Variants in ZFP37 observed in about 807,000 individuals in gnomAD.
ZFP37 encodes the protein ZFP37 zinc finger protein.
A neutral mutation model predicts 52.1 loss-of-function variants in ZFP37; 38 were observed. The ratio of observed to expected loss-of-function variants is 0.73; its 90% confidence interval spans 0.56 to 0.96. The LOEUF (loss-of-function observed/expected upper bound fraction) is 0.96, where lower values mean the gene tolerates loss of function less well. Ranked by LOEUF, ZFP37 falls within the 40% of genes least tolerant of loss-of-function variation. The pLI, the probability that ZFP37 is intolerant of heterozygous loss-of-function variation, is 0.00. For synonymous variants in ZFP37, 253 were observed against 259.5 expected, an observed-to-expected ratio of 0.98 and a Z score of 0.24; for missense variants, 695 against 741.4, an observed-to-expected ratio of 0.94 and a Z score of 0.73.
intron 1 of ZFP37, among the ~76,000 whole-genome samples, chr9:113,056,184 C>T (rs1829139809): frequency 6.6e-6 from 1 of 152,090 alleles, no homozygotes; most frequent in Non-Finnish European, 1.5e-5. Flanking sequence ...CTTTGATAAC[C>T]CAGGCTCTAA....
In ZFP37 at chr9:113,043,100, G is replaced by A; in HGVS notation, c.1518C>T (p.Tyr506=). Residue 506 remains tyrosine (Y), a synonymous_variant, in exon 4 of 4, where the codon TAC becomes TAT. Transcript: ENST00000374227. ...KAFGHSSSLT[Y]HMRTHTGESP... is the part of the protein sequence containing the mutation. ...TTTCACCTGTATGAGTTCTCATATG[G>A]TAAGTAAGAGATGAGCTATGTCCAA... 1 of 1,613,368 alleles carries A rather than the reference G, an allele frequency of 6.2e-7. No individual in the cohort carries two copies.
At chr9:113,045,645 T>C (rs1372692888) in intron 3 of ZFP37, among the ~76,000 whole-genome samples, 2 of 152,230 alleles carry the variant, frequency 1.3e-5, no homozygotes, top group African/African-American at 2.4e-5. Context: ...TGGGCCACTA[T>C]GTTTGTATTA....
chr9:113,038,689 G>A lies in ZFP37; in HGVS notation c.*4036C>T, dbSNP rs1828801721. ...TCCCAGCTACTAGGAAGGCTAAGGT[G>A]GGAGGAGTGCTTAAGCCTGGGAGGT... On this transcript the variant is annotated 3_prime_UTR_variant, in exon 4 of 4. Transcript: ENST00000374227. 1 of 152,074 alleles carries A rather than the reference G, an allele frequency of 6.6e-6. No homozygotes were observed. The highest frequency in any genetic ancestry group is 2.4e-5 in the African/African-American group (1 of 41,386). 9.4% of individuals were successfully genotyped at this position (152,074 alleles called of 1,614,324 possible). A position where few individuals can be genotyped will look rare whatever the true frequency, so the allele number is the denominator to read the frequency against.
At position 113,049,366 on chromosome 9, in the gene ZFP37, AT is replaced by A; in HGVS notation, c.344del (p.Asp115ValfsTer70). The A allele has an allele frequency of 6.2e-7, 1 of 1,612,516 alleles. No individual in the cohort carries two copies. The highest frequency in any genetic ancestry group is 8.5e-7 in the Non-Finnish European group (1 of 1,179,564). ...AATTTCAAAGTTACAACTTACTTCC[AT>A]CAGTTTCTTTTTGCTTGGGTCTTGC... ...KIARPKQKET[D>X]GKVQKDDDQL... On this transcript the variant is annotated frameshift_variant, in exon 3 of 4. Transcript: ENST00000374227. LOFTEE classifies it high-confidence loss of function.
chr9:113,055,534 CAAATA>C lies in ZFP37; in HGVS notation c.132+1018_132+1022del, dbSNP rs780841875. On this transcript the variant is annotated intron_variant, in intron 1 of 3. Coordinates refer to ENST00000374227, the MANE Select transcript of ZFP37 (RefSeq NM_003408.3). ...GGGACTGCAAAACAACAACACCAAA[CAAATA>C]AAATAAAAAATACCCCCTGGCATAA... Among the ~76,000 whole-genome samples, 21 of 152,278 alleles carry C rather than the reference CAAATA, an allele frequency of 1.4e-4. No homozygotes were observed. In the South Asian group the frequency reaches 3.5e-3, roughly 26 times the overall value.
At position 113,046,993 on chromosome 9, in the gene ZFP37, C is replaced by A. The variant is rs141894097; in HGVS notation, c.349+2369G>T. Among the ~76,000 whole-genome samples, 940 of 152,048 alleles carry A rather than the reference C, an allele frequency of 6.2e-3. 8 individuals carry two copies. Among genetic ancestry groups the A allele is most frequent in the African/African-American group, 0.021 (875 of 41,456 alleles). On this transcript the variant is annotated intron_variant, in intron 3 of 3. Transcript: ENST00000374227. ...GCGTGGTGGTGGGCACCTGTAGTCC[C>A]AGCTACTTGGGAGGCTGAGGCAGAA...
chr9:113,056,579 G>A lies in ZFP37; in HGVS notation c.110C>T (p.Ser37Phe), dbSNP rs1829149409. Residue 37 changes from serine (S) to phenylalanine (F), a missense_variant, in exon 1 of 4, where the codon TCC (serine) becomes TTC (phenylalanine). Coordinates refer to ENST00000374227, the MANE Select transcript of ZFP37 (RefSeq NM_003408.3). ...CACCGCGGCGCTGGCCTCGGGCTCG[G>A]ACACAGCCATCTCCAGTGGTCGCCC... is the stretch of plus-strand genomic sequence containing the variant. ...EAGRPLEMAV[S>F]EPEASAAEWK... is the part of the protein sequence containing the mutation. The A allele has an allele frequency of 1.2e-6, 2 of 1,613,828 alleles. No individual in the cohort carries two copies. The highest frequency in any genetic ancestry group is 1.7e-6 in the Non-Finnish European group (2 of 1,180,006).
rs1216847660 is a variant in ZFP37, at chr9:113,049,511, T to C, written c.215-15A>G. The C allele has an allele frequency of 1.9e-6, 3 of 1,607,624 alleles. No individual in the cohort carries two copies. The highest frequency in any genetic ancestry group is 1.1e-5 in the South Asian group (1 of 90,320). The stretch of plus-strand genomic sequence containing the variant: ...AGCTTGACACCCTGCTCATGAGAAA[T>C]AGCAGAAACTGAGTGTTAGAACAAC... On this transcript the variant is annotated splice_polypyrimidine_tract_variant and intron_variant, in intron 2 of 3. Coordinates refer to ENST00000374227, the MANE Select transcript of ZFP37 (RefSeq NM_003408.3).
At chr9:113,051,960 C>T (rs1374124462) in intron 1 of ZFP37, among the ~76,000 whole-genome samples, 1 of 152,124 alleles carries the variant, frequency 6.6e-6, no homozygotes, top group African/African-American at 2.4e-5. Context: ...GCAGATCTCC[C>T]CAGCCACTTG....
Position 113,043,072 on chromosome 9 carries a change from G to A in ZFP37, c.1546C>T (p.Pro516Ser). The change falls in exon 4 of 4, where the codon CCC (proline) becomes TCC (serine). Residue 516 changes from proline to serine, a missense_variant. Pro to Ser is a moderately conservative substitution (Grantham distance 74, BLOSUM62 -1). This residue lies in a region of ZFP37 where 326 missense variants were observed against 400.5 expected (regional missense o/e 0.81). Coordinates refer to ENST00000374227, the MANE Select transcript of ZFP37 (RefSeq NM_003408.3). The part of the protein sequence containing the change: ...YHMRTHTGES[P>S]FECNQCGKGF... Reference sequence around the variant, plus strand: ...TTCCCACATTGATTACATTCAAAGGGACTTTCACCTGTATGAGTTCTCATA... The same window carrying A: ...TTCCCACATTGATTACATTCAAAGGAACTTTCACCTGTATGAGTTCTCATA... 2.5e-6 allele frequency: 4 copies of A among 1,613,538 alleles called. No homozygotes were observed. The highest frequency in any genetic ancestry group is 2.2e-5 in the East Asian group (1 of 44,858).
rs1828902214 is a variant in ZFP37, at chr9:113,043,840, T to TATGGG, written c.773_777dup (p.Ile260ProfsTer33). ...CCAGTTTGAATTTTGTCCTGTTTAA[T>TATGGG]ATGGGATGAACTATGACAGCATAAT... On this transcript the variant is annotated frameshift_variant, in exon 4 of 4. Coordinates refer to ENST00000374227, the MANE Select transcript of ZFP37 (RefSeq NM_003408.3). LOFTEE classifies it high-confidence loss of function. 2 of 1,613,984 alleles carry TATGGG rather than the reference T, an allele frequency of 1.2e-6. No homozygotes were observed. Among genetic ancestry groups the TATGGG allele is most frequent in the Non-Finnish European group, 1.7e-6 (2 of 1,179,972 alleles).
chr9:113,047,183 C>G (rs1218894122), intron 3 of ZFP37, among the ~76,000 whole-genome samples: 1 of 151,354 alleles, frequency 6.6e-6, no homozygotes, highest in Non-Finnish European at 1.5e-5. Flanking sequence ...TTAAGTGACT[C>G]AGGATTGTTT....
rs558511394 is a variant in ZFP37, at chr9:113,042,533, A to G, written c.*192T>C. On this transcript the variant is annotated 3_prime_UTR_variant, in exon 4 of 4. Coordinates refer to ENST00000374227, the MANE Select transcript of ZFP37 (RefSeq NM_003408.3). ...TTGAGTAGTTAAAACAATATTTTTT[A>G]TAAAAGGTTTTGTATCAAGTTTAAA... 4.5e-6 allele frequency: 2 copies of G among 445,176 alleles called. No homozygotes were observed. Among genetic ancestry groups the G allele is most frequent in the Non-Finnish European group, 7.8e-6 (2 of 256,498 alleles). 27.6% of individuals were successfully genotyped at this position (445,176 alleles called of 1,614,324 possible). A position where few individuals can be genotyped will look rare whatever the true frequency, so the allele number is the denominator to read the frequency against.
rs1000062362 is a variant in ZFP37 at position 113,038,415 on chromosome 9, C to T, written c.*4310G>A. ...TGTTTTTTATTTAGTATTTTAGATG[C>T]TACAGGTTGGTTTGTACAACATCCA... On this transcript the variant is annotated 3_prime_UTR_variant, in exon 4 of 4. Transcript: ENST00000374227. The T allele has an allele frequency of 6.6e-6, 1 of 151,870 alleles. No individual in the cohort carries two copies. The highest frequency in any genetic ancestry group is 2.4e-5 in the African/African-American group (1 of 41,350). 9.4% of individuals were successfully genotyped at this position (151,870 alleles called of 1,614,324 possible). A position where few individuals can be genotyped will look rare whatever the true frequency, so the allele number is the denominator to read the frequency against.
rs1011756249 is a variant in ZFP37, at chr9:113,042,930, T to C, written c.1688A>G (p.His563Arg). ...AFSQKSHLIV[H>R]QRTHTGEKPY... is the part of the protein sequence containing the mutation. Reference sequence around the variant, plus strand: ...TTTCTCCCCAGTATGAGTTCTCTGATGTACAATGAGGTGAGACTTTTGGCT... The same window carrying C: ...TTTCTCCCCAGTATGAGTTCTCTGACGTACAATGAGGTGAGACTTTTGGCT... Residue 563 changes from histidine (H) to arginine (R), a missense_variant, in exon 4 of 4, where the codon CAT becomes CGT. Around this residue, in one of 2 missense-constraint regions of ZFP37, gnomAD observed 326 missense variants for 400.5 expected, o/e 0.81. Coordinates refer to ENST00000374227, the MANE Select transcript of ZFP37 (RefSeq NM_003408.3). 2 of 1,613,914 alleles carry C rather than the reference T, an allele frequency of 1.2e-6. No individual in the cohort carries two copies. Among genetic ancestry groups the C allele is most frequent in the Non-Finnish European group, 1.7e-6 (2 of 1,179,926 alleles).
intron 3 of ZFP37, among the ~76,000 whole-genome samples, chr9:113,047,107 TAA>T (rs376369021): frequency 5.5e-4 from 65 of 118,498 alleles, no homozygotes; most frequent in African/African-American, 7.7e-4. Context: ...AGACTCCGTC[TAA>T]AAAAAAAAAA....
chr9:113,047,436 T>C (rs1828976394), intron 3 of ZFP37, among the ~76,000 whole-genome samples: 1 of 152,062 alleles, frequency 6.6e-6, no homozygotes, highest in Admixed American at 6.6e-5. Flanking sequence ...ACTGAATATT[T>C]TAATGTTTGG....
chr9:113,043,833 T>C lies in ZFP37; in HGVS notation c.785A>G (p.Gln262Arg). The C allele has an allele frequency of 1.2e-6, 2 of 1,614,110 alleles. No individual in the cohort carries two copies. Among genetic ancestry groups the C allele is most frequent in the Non-Finnish European group, 1.7e-6 (2 of 1,179,972 alleles). Residue 262 changes from glutamine (Q) to arginine (R), a missense_variant, in exon 4 of 4, where the codon CAG becomes CGG. Physicochemically the swap from Gln to Arg is conservative, Grantham distance 43. This residue lies in a region of ZFP37 where 369 missense variants were observed against 340.9 expected (regional missense o/e 1.08). Transcript: ENST00000374227. ...TTTCTCTCCAGTTTGAATTTTGTCC[T>C]GTTTAATATGGGATGAACTATGACA... ...LCCHSSSHIK[Q>R]DKIQTGEKHE... is the part of the protein sequence containing the mutation.
Position 113,038,422 on chromosome 9 carries a change from T to C in ZFP37, c.*4303A>G, listed in dbSNP as rs531280637. 2 of 152,194 alleles carry C rather than the reference T, an allele frequency of 1.3e-5. No homozygotes were observed. Among genetic ancestry groups the C allele is most frequent in the East Asian group, 3.9e-4 (2 of 5,182 alleles). The allele number at this position is 152,194 out of a possible 1,614,324, so 9.4% of individuals were successfully genotyped here. A position where few individuals can be genotyped will look rare whatever the true frequency, so the allele number is the denominator to read the frequency against. On this transcript the variant is annotated 3_prime_UTR_variant, in exon 4 of 4. Transcript: ENST00000374227. ...TATTTAGTATTTTAGATGCTACAGG[T>C]TGGTTTGTACAACATCCATTTTTCA...
Sources: gnomAD v4.1 joint callset for allele counts (sites outside exome capture counted in the v4.1 genomes callset) on GRCh38, gnomAD v4.1.1 for gene constraint, gnomAD v4.1.1 regional missense constraint, MANE v1.5 for transcripts, NCBI Gene and HGNC (gene_info 2026-07-23, HGNC 2026-07-21) for gene names.